Variants in HIPK1 observed in about 807,000 individuals in gnomAD.
HIPK1 encodes the protein homeodomain-interacting protein kinase 1.
A neutral mutation model predicts 117.1 loss-of-function variants in HIPK1; 28 were observed. The observed-to-expected ratio is 0.24, with a 90% CI of 0.18 to 0.33. HIPK1 has a LOEUF of 0.33. Among genes scored for constraint, HIPK1 ranks in the 10% least tolerant of loss-of-function variants. The pLI is 1.00. For missense variants in HIPK1, 1,122 were observed against 1,475.1 expected (o/e 0.76, Z 3.92); for synonymous variants, 605 against 562.5 (o/e 1.08, Z -1.07).
In HIPK1 at chr1:113,977,759, A is replaced by G. The variant is rs1199774120; in HGVS notation, c.*4247A>G. 2 of 152,792 alleles carry G rather than the reference A, an allele frequency of 1.3e-5. No homozygotes were observed. Among genetic ancestry groups the G allele is most frequent in the Non-Finnish European group, 2.9e-5 (2 of 68,040 alleles). The allele number at this position is 152,792 out of a possible 1,614,324, so 9.5% of individuals were successfully genotyped here. ...TTTTCTACATAATATGGTAAAATGT[A>G]GAGCAATTGCAATGCATCAATAAAA... On this transcript the variant is annotated 3_prime_UTR_variant, in exon 16 of 16. Coordinates refer to ENST00000426820, the MANE Select transcript of HIPK1 (RefSeq NM_198268.3).
At chr1:113,957,433 G>C (rs957407690) in intron 7 of HIPK1, 147 bp downstream of exon 7, 3 of 635,048 alleles carry the variant, frequency 4.7e-6, no homozygotes, top group African/African-American at 1.8e-5. Context: ...TGGAAAACAG[G>C]GTAGACTGAT....
chr1:113,934,925 G>A (rs1396294115), intron 1 of HIPK1, among the ~76,000 whole-genome samples: 5 of 145,374 alleles, frequency 3.4e-5, no homozygotes, highest in South Asian at 2.1e-4. Flanking sequence ...GGATTTCGAG[G>A]ATACAGTGAG....
Position 113,973,243 on chromosome 1 carries a change from G to A in HIPK1, c.3364G>A (p.Ala1122Thr). 1.2e-6 allele frequency: 2 copies of A among 1,614,096 alleles called. No individual in the cohort carries two copies. Among genetic ancestry groups the A allele is most frequent in the East Asian group, 4.5e-5 (2 of 44,882 alleles). ...YTYAAPTSAA[A>T]LGSTSSIAHL... ...GTATGCTGCCCCGACTTCTGCTGCT[G>A]CACTGGGCTCAACCAGCTCCATTGC... The change falls in exon 16 of 16, where the codon GCA becomes ACA. Residue 1122 changes from alanine (A) to threonine (T), a missense_variant. Transcript: ENST00000426820.
chr1:113,954,623 T>C (rs765527796), intron 3 of HIPK1, 28 bp from the exon 4 acceptor site: 1 of 1,612,456 alleles, frequency 6.2e-7, no homozygotes, highest in Non-Finnish European at 8.5e-7. Flanking sequence ...TCACTCCAAA[T>C]AGTTGTTTGA....
rs57585637 is a variant in HIPK1, at chr1:113,958,112, C to G, written c.1802C>G (p.Ser601Cys). 1.9e-6 allele frequency: 3 copies of G among 1,614,088 alleles called. No individual in the cohort carries two copies. Among genetic ancestry groups the G allele is most frequent in the Non-Finnish European group, 1.7e-6 (2 of 1,180,032 alleles). Reference sequence around the variant, plus strand: ...TCTACTGCAGCAGCTGCTACTCTTTCTCTGGCTAATTCAGATGTCTCACTA... The same window carrying G: ...TCTACTGCAGCAGCTGCTACTCTTTGTCTGGCTAATTCAGATGTCTCACTA... ...SSSTAAAATL[S>C]LANSDVSLLN... Residue 601 changes from serine (S) to cysteine (C), a missense_variant, in exon 8 of 16, where the codon TCT becomes TGT. By Grantham distance (112) the Ser-to-Cys change is moderately radical. This residue lies in a region of HIPK1 where 731 missense variants were observed against 860.4 expected (regional missense o/e 0.85). Coordinates refer to ENST00000426820, the MANE Select transcript of HIPK1 (RefSeq NM_198268.3).
chr1:113,946,499 GAATT>G (rs1319746875), intron 2 of HIPK1, among the ~76,000 whole-genome samples: 1 of 152,146 alleles, frequency 6.6e-6, no homozygotes, highest in Non-Finnish European at 1.5e-5. Flanking sequence ...AAAATAAAAT[GAATT>G]ATTTGGCTGC....
At chr1:113,955,522 C>A in intron 4 of HIPK1, 41 bp from the exon 5 acceptor site, 1 of 1,183,990 alleles carries the variant, frequency 8.4e-7, no homozygotes, top group Admixed American at 2.0e-5. Context: ...GTGAAAATAA[C>A]ATACAGATGG....
In HIPK1 at chr1:113,942,410, T is replaced by C. The variant is rs150932928; in HGVS notation, c.1076+951T>C. Among the ~76,000 whole-genome samples the C allele has an allele frequency of 7.0e-4, 106 of 152,360 alleles. 1 individual carries two copies. Among genetic ancestry groups the C allele is most frequent in the East Asian group, 6.2e-3 (32 of 5,194 alleles). On this transcript the variant is annotated intron_variant, in intron 2 of 15. Transcript: ENST00000426820. ...CACAAAGATATTTACTTATTTGTAA[T>C]GAATCTGAGCATATGTTGCTGTTTT... is the stretch of plus-strand genomic sequence containing the variant.
At chr1:113,931,121 A>G (rs770023081) in intron 1 of HIPK1, among the ~76,000 whole-genome samples, 27 of 147,664 alleles carry the variant, frequency 1.8e-4, no homozygotes, top group Non-Finnish European at 3.6e-4. Flanking sequence ...CAAACCTACA[A>G]TTTTCCTTTT....
chr1:113,958,559 T>C (rs1671880434), intron 8 of HIPK1, among the ~76,000 whole-genome samples: 1 of 152,226 alleles, frequency 6.6e-6, no homozygotes, highest in Non-Finnish European at 1.5e-5. Context: ...ATTGAGTCCT[T>C]GTGTCAATGT....
At position 113,973,115 on chromosome 1, in the gene HIPK1, A is replaced by C; in HGVS notation, c.3236A>C (p.Gln1079Pro). The C allele has an allele frequency of 6.4e-7, 1 of 1,572,366 alleles. No homozygotes were observed. The highest frequency in any genetic ancestry group is 1.3e-5 in the African/African-American group (1 of 74,128). ...CAGGCGTTTGTGGCCCCTCTCTCCC[A>C]AGCCCCCTACACCTTCCAGCATGGC... ...RQQAFVAPLS[Q>P]APYTFQHGSP... Residue 1079 changes from glutamine to proline, a missense_variant, in exon 16 of 16, where the codon CAA becomes CCA. Physicochemically the swap from Gln to Pro is moderately conservative, Grantham distance 76. This residue lies in a region of HIPK1 where 731 missense variants were observed against 860.4 expected (regional missense o/e 0.85). Transcript: ENST00000426820.
At chr1:113,935,047 T>C (rs758704171) in intron 1 of HIPK1, among the ~76,000 whole-genome samples, 32 of 150,100 alleles carry the variant, frequency 2.1e-4, no homozygotes, top group Non-Finnish European at 4.4e-4. Context: ...TTATTTTAGG[T>C]TCAGGGGTAC....
intron 1 of HIPK1, among the ~76,000 whole-genome samples, chr1:113,934,823 G>A (rs1478839132): frequency 1.4e-5 from 2 of 146,776 alleles, no homozygotes; most frequent in Non-Finnish European, 3.0e-5. Context: ...AGCCAACTGT[G>A]GCATGTGCCT....
rs1341747159 is a variant in HIPK1, at chr1:113,963,507, A to G, written c.2224A>G (p.Thr742Ala). The G allele has an allele frequency of 6.2e-7, 1 of 1,614,038 alleles. No individual in the cohort carries two copies. Among genetic ancestry groups the G allele is most frequent in the East Asian group, 2.2e-5 (1 of 44,866 alleles). Residue 742 changes from threonine to alanine, a missense_variant, in exon 10 of 16, where the codon ACT (threonine) becomes GCT (alanine). By Grantham distance (58) the Thr-to-Ala change is moderately conservative (BLOSUM62 0). Transcript: ENST00000426820. Reference sequence around the variant, plus strand: ...CGGCCGGCCGGCGCTGGTTGAACAGACTGCCGCTGTACTGGTAATTCCCCT... The same window carrying G: ...CGGCCGGCCGGCGCTGGTTGAACAGGCTGCCGCTGTACTGGTAATTCCCCT... ...AAGRPALVEQTAAVLQAWPGG... is the reference protein window; with the variant it reads ...AAGRPALVEQAAAVLQAWPGG...
intron 1 of HIPK1, among the ~76,000 whole-genome samples, chr1:113,939,337 T>TG (rs202073716): frequency 0.088 from 12,474 of 141,234 alleles, 1,042 homozygotes; most frequent in East Asian, 0.48. Flanking sequence ...GTTTTTTTTT[T>TG]TTTTTGTTGT....
rs1558144530 is a variant in HIPK1 at position 113,963,376 on chromosome 1, C to G, written c.2104-11C>G. On this transcript the variant is annotated splice_polypyrimidine_tract_variant and intron_variant, in intron 9 of 15. Coordinates refer to ENST00000426820, the MANE Select transcript of HIPK1 (RefSeq NM_198268.3). ...TGTTTGTTTCACTCACCTGCCTAAT[C>G]TACGTTTCAGGGAAGCTGTACACCA... is the stretch of plus-strand genomic sequence containing the variant. 2 of 1,612,694 alleles carry G rather than the reference C, an allele frequency of 1.2e-6. No individual in the cohort carries two copies. The highest frequency in any genetic ancestry group is 1.7e-6 in the Non-Finnish European group (2 of 1,179,586).
chr1:113,933,868 G>C (rs979935016), intron 1 of HIPK1, among the ~76,000 whole-genome samples: 14 of 152,050 alleles, frequency 9.2e-5, no homozygotes, highest in Non-Finnish European at 1.9e-4. Flanking sequence ...TCAAATAAAG[G>C]GGGGAAGTTG....
chr1:113,968,672 G>A, intron 13 of HIPK1, 24 bp downstream of exon 13: 1 of 1,592,548 alleles, frequency 6.3e-7, no homozygotes, highest in East Asian at 2.2e-5. Flanking sequence ...ATGGTTCCTG[G>A]CTCTATTGGT....
intron 12 of HIPK1, 21 bp from the exon 13 acceptor site, chr1:113,968,421 C>T (rs1672598049): frequency 1.3e-6 from 2 of 1,570,992 alleles, no homozygotes; most frequent in South Asian, 2.2e-5. Context: ...AATCATCTTT[C>T]CATGTGAACT....
Sources: gnomAD v4.1 joint callset for allele counts (sites outside exome capture counted in the v4.1 genomes callset) on GRCh38, gnomAD v4.1.1 for gene constraint, gnomAD v4.1.1 regional missense constraint, MANE v1.5 for transcripts, NCBI Gene and HGNC (gene_info 2026-07-23, HGNC 2026-07-21) for gene names.